C10orf90: variants seen among roughly 807,000 people sequenced by gnomAD.
The protein encoded by C10orf90 is (E2-independent) E3 ubiquitin-conjugating enzyme FATS.
A neutral mutation model predicts 62.5 loss-of-function variants in C10orf90; 56 were observed. The ratio of observed to expected loss-of-function variants is 0.90; its 90% CI spans 0.72 to 1.12. The LOEUF (loss-of-function observed/expected upper bound fraction) is 1.12, where lower values mean the gene tolerates loss of function less well. Ranked by LOEUF, C10orf90 falls within the 50% of genes most tolerant of loss-of-function variation. The probability of loss-of-function intolerance (pLI) is 0.00; values close to 1 mark genes in which losing one functional copy is unlikely to be tolerated. For synonymous variants in C10orf90, 386 were observed against 340.4 expected (o/e 1.13, Z -1.47); for missense variants, 970 against 880.4 (o/e 1.10, Z -1.29).
chr10:126,596,180 G>T (rs111325504), intron 2 of C10orf90, among the ~76,000 whole-genome samples: 1 of 150,052 alleles, frequency 6.7e-6, no homozygotes, highest in African/African-American at 2.5e-5. Flanking sequence ...GCACACACCT[G>T]TAGTCTCAGC....
intron 2 of C10orf90, among the ~76,000 whole-genome samples, chr10:126,556,182 C>T (rs1864767964): frequency 6.6e-6 from 1 of 152,168 alleles, no homozygotes; most frequent in Non-Finnish European, 1.5e-5. Flanking sequence ...AGTGCTGTGT[C>T]CTGTAACTAT....
intron 7 of C10orf90, among the ~76,000 whole-genome samples, chr10:126,455,952 C>T (rs1859541314): frequency 1.3e-5 from 2 of 152,184 alleles, no homozygotes; most frequent in Non-Finnish European, 2.9e-5. Flanking sequence ...TGCCGGGGCT[C>T]CCACTTGAAC....
chr10:126,452,884 G>A (rs2134074697), intron 7 of C10orf90, among the ~76,000 whole-genome samples: 1 of 152,274 alleles, frequency 6.6e-6, no homozygotes, highest in South Asian at 2.1e-4. Flanking sequence ...GTAATATCAG[G>A]AGAACTAGCC....
chr10:126,628,008 T>C (rs1051584170), intron 2 of C10orf90, among the ~76,000 whole-genome samples: 1 of 152,204 alleles, frequency 6.6e-6, no homozygotes, highest in Non-Finnish European at 1.5e-5. Flanking sequence ...AAAGAGCAAG[T>C]GTCTCTTAAA....
Position 126,459,175 on chromosome 10 carries a change from G to A in C10orf90, c.2053C>T (p.Gln685Ter), listed in dbSNP as rs1590942184. ...VRKPQFISRS[Q>*]ERLKKLEHMV... ...TGTTCAAGCTTCTTCAGCCGTTCTT[G>A]TGAGCGAGAAATGAACTGAGGCTTA... The change falls in exon 7 of 10, where the codon CAA becomes TAA. Residue 685 changes from glutamine (Q) to a stop codon, truncating the protein, a stop_gained. Coordinates refer to ENST00000488181, the MANE Select transcript of C10orf90 (RefSeq NM_001350921.2). LOFTEE classifies it high-confidence loss of function. The A allele has an allele frequency of 6.2e-7, 1 of 1,614,182 alleles. No individual in the cohort carries two copies. Among genetic ancestry groups the A allele is most frequent in the Non-Finnish European group, 8.5e-7 (1 of 1,180,050 alleles).
At chr10:126,614,925 C>T (rs187390812) in intron 2 of C10orf90, among the ~76,000 whole-genome samples, 8 of 152,200 alleles carry the variant, frequency 5.3e-5, no homozygotes, top group Admixed American at 2.6e-4. Context: ...CTTCAAGACT[C>T]TGTGCTGAAA....
intron 2 of C10orf90, among the ~76,000 whole-genome samples, chr10:126,521,116 G>A (rs974671781): frequency 6.6e-6 from 1 of 152,190 alleles, no homozygotes; most frequent in African/African-American, 2.4e-5. Flanking sequence ...ATGCTGTTGT[G>A]TAATGATCTG....
chr10:126,615,236 G>T (rs1317755782), intron 2 of C10orf90, among the ~76,000 whole-genome samples: 4 of 152,184 alleles, frequency 2.6e-5, no homozygotes, highest in Non-Finnish European at 5.9e-5. Context: ...CAAGTCACAT[G>T]ACCCAGTCCA....
At chr10:126,518,549 GA>G (rs1045476187) in intron 2 of C10orf90, among the ~76,000 whole-genome samples, 82 of 147,150 alleles carry the variant, frequency 5.6e-4, no homozygotes, top group Admixed American at 2.7e-3. Context: ...AACCGTCATA[GA>G]AAAAAAAAAC....
chr10:126,630,252 C>T (rs536539094), intron 2 of C10orf90, among the ~76,000 whole-genome samples: 40 of 152,302 alleles, frequency 2.6e-4, no homozygotes, highest in Middle Eastern at 3.4e-3. Context: ...TGTTGAAGGC[C>T]TTCATTCAGC....
intron 7 of C10orf90, among the ~76,000 whole-genome samples, chr10:126,443,969 A>G (rs1345151336): frequency 6.6e-6 from 1 of 152,188 alleles, no homozygotes; most frequent in Non-Finnish European, 1.5e-5. Context: ...GGCAAAATCC[A>G]GCATCACTTT....
At chr10:126,502,001 C>A (rs1033638889) in intron 4 of C10orf90, among the ~76,000 whole-genome samples, 2 of 149,300 alleles carry the variant, frequency 1.3e-5, no homozygotes, top group African/African-American at 4.9e-5. Flanking sequence ...CATACACACA[C>A]ACCACACACA....
chr10:126,626,084 G>T (rs749117057), intron 2 of C10orf90, among the ~76,000 whole-genome samples: 1 of 149,368 alleles, frequency 6.7e-6, no homozygotes, highest in Non-Finnish European at 1.5e-5. Context: ...AGCTGAGATC[G>T]TGCCACTGCA....
chr10:126,446,073 G>A (rs1295151720), intron 7 of C10orf90, among the ~76,000 whole-genome samples: 1 of 151,766 alleles, frequency 6.6e-6, no homozygotes. Context: ...CTCGAGTGAT[G>A]GGTACATCAA....
Position 126,600,734 on chromosome 10 carries a change from G to A in C10orf90, c.313+45831C>T, listed in dbSNP as rs989721335. Reference sequence around the variant, plus strand: ...GTGTGTGTGTGTTTCTTAGGCGTGTGTGTGTGTGCATGTGTATGTGTGTGT... The same window carrying A: ...GTGTGTGTGTGTTTCTTAGGCGTGTATGTGTGTGCATGTGTATGTGTGTGT... On this transcript the variant is annotated intron_variant, in intron 2 of 9. Coordinates refer to ENST00000488181, the MANE Select transcript of C10orf90 (RefSeq NM_001350921.2). Among the ~76,000 whole-genome samples the A allele has an allele frequency of 2.6e-5, 4 of 152,286 alleles. No homozygotes were observed. The East Asian group carries it at 7.7e-4, about 29-fold the overall frequency.
chr10:126,628,989 G>T (rs1845801747), intron 2 of C10orf90, among the ~76,000 whole-genome samples: 2 of 152,198 alleles, frequency 1.3e-5, no homozygotes, highest in Admixed American at 1.3e-4. Context: ...AGAGATCTCT[G>T]CATGGTGCTT....
chr10:126,501,757 C>A (rs988244255), intron 4 of C10orf90, among the ~76,000 whole-genome samples: 1 of 152,126 alleles, frequency 6.6e-6, no homozygotes, highest in Non-Finnish European at 1.5e-5. Flanking sequence ...GAAATCATGT[C>A]TTTTGCAGCA....
intron 4 of C10orf90, among the ~76,000 whole-genome samples, chr10:126,474,622 C>T (rs111728516): frequency 1.2e-4 from 18 of 152,124 alleles, no homozygotes; most frequent in South Asian, 4.2e-4. Flanking sequence ...AAAGAAATAT[C>T]GCAAGTATGA....
chr10:126,461,464 G>A lies in C10orf90; in HGVS notation c.1947C>T (p.Ser649=). The A allele has an allele frequency of 6.2e-7, 1 of 1,614,184 alleles. No homozygotes were observed. The highest frequency in any genetic ancestry group is 8.5e-7 in the Non-Finnish European group (1 of 1,180,018). Residue 649 remains serine (S), a synonymous_variant, in exon 6 of 10, where the codon AGC becomes AGT. Transcript: ENST00000488181. ...PSPAPRDGAG[S]PGLSEDCSES... ...CAGAACAGTCTTCGGACAGGCCAGG[G>A]CTCCCTGCTCCATCGCGGGGTGCTG...
Sources: allele counts gnomAD v4.1 joint callset (sites outside exome capture counted in the v4.1 genomes callset), GRCh38; gene constraint gnomAD v4.1.1; transcripts MANE v1.5; gene names NCBI Gene and HGNC (gene_info 2026-07-23, HGNC 2026-07-21).